Variants in MME observed in about 807,000 individuals in gnomAD.
MME encodes the protein neprilysin.
Under a neutral mutation model 113.2 loss-of-function variants are expected in MME, and 98 were observed. That is an observed-to-expected ratio of 0.87 (90% CI 0.74 to 1.02). MME has a LOEUF of 1.02. MME is among the 50% of genes least tolerant of loss of function. MME has a pLI of 0.00. For missense variants in MME, 836 were observed against 896.0 expected (o/e 0.93, Z 0.86); for synonymous variants, 292 against 300.6 (o/e 0.97, Z 0.30).
intron 3 of MME, among the ~76,000 whole-genome samples, chr3:155,099,862 T>C (rs922404380): frequency 1.3e-5 from 2 of 152,208 alleles, no homozygotes; most frequent in South Asian, 2.1e-4. Flanking sequence ...TAAACATACA[T>C]GTGCATGTGT....
At chr3:155,137,955 T>G in intron 8 of MME, 147 bp from the exon 9 acceptor site, 1 of 868,502 alleles carries the variant, frequency 1.2e-6, no homozygotes, top group South Asian at 1.5e-5. Flanking sequence ...TCTGTGCAGG[T>G]CATTTCTTTA....
At chr3:155,040,765 C>A (rs1216147047) in intron 1 of MME, among the ~76,000 whole-genome samples, 1 of 151,978 alleles carries the variant, frequency 6.6e-6, no homozygotes, top group Non-Finnish European at 1.5e-5. Flanking sequence ...TGAAATGCAT[C>A]TGGAAAACTA....
chr3:155,060,614 G>T (rs1263499338), intron 1 of MME, among the ~76,000 whole-genome samples: 4 of 152,060 alleles, frequency 2.6e-5, no homozygotes, highest in Non-Finnish European at 5.9e-5. Context: ...GATTCAGGGA[G>T]GGTGTCTCAC....
intron 3 of MME, among the ~76,000 whole-genome samples, chr3:155,096,059 G>T (rs1219246042): frequency 6.6e-6 from 1 of 152,150 alleles, no homozygotes; most frequent in Non-Finnish European, 1.5e-5. Context: ...AGCTCAGGAA[G>T]TTTAGGACCT....
chr3:155,085,263 A>T, intron 3 of MME, 169 bp downstream of exon 3: 2 of 508,752 alleles, frequency 3.9e-6, no homozygotes, highest in Non-Finnish European at 7.0e-6. Context: ...TAGTAGATTA[A>T]TTAACTTGTT....
intron 3 of MME, among the ~76,000 whole-genome samples, chr3:155,108,119 AC>A (rs1717851424): frequency 6.6e-6 from 1 of 152,330 alleles, no homozygotes; most frequent in East Asian, 1.9e-4. Flanking sequence ...GCCCACAGGA[AC>A]CTAACCTTGT....
At chr3:155,150,457 C>T (rs915807548) in intron 16 of MME, among the ~76,000 whole-genome samples, 1 of 152,118 alleles carries the variant, frequency 6.6e-6, no homozygotes, top group Non-Finnish European at 1.5e-5. Flanking sequence ...TTGGTCCTCC[C>T]CATGAGCTTC....
chr3:155,087,572 G>A (rs1213073014), intron 3 of MME, among the ~76,000 whole-genome samples: 1 of 152,042 alleles, frequency 6.6e-6, no homozygotes, highest in Non-Finnish European at 1.5e-5. Context: ...CCTATTATAT[G>A]CTCAGGCTGT....
chr3:155,030,059 A>G (rs1469758280), intron 1 of MME, among the ~76,000 whole-genome samples: 1 of 152,234 alleles, frequency 6.6e-6, no homozygotes, highest in Non-Finnish European at 1.5e-5. Flanking sequence ...GCCCAAAGAC[A>G]TGACTTTTAG....
intron 1 of MME, among the ~76,000 whole-genome samples, chr3:155,082,734 C>T (rs1261642444): frequency 6.6e-6 from 1 of 152,126 alleles, no homozygotes; most frequent in Non-Finnish European, 1.5e-5. Flanking sequence ...ACTTTGTATC[C>T]AGAACTTTAA....
At chr3:155,163,683 T>A (rs952588310) in intron 17 of MME, among the ~76,000 whole-genome samples, 3 of 152,348 alleles carry the variant, frequency 2.0e-5, no homozygotes, top group Admixed American at 1.3e-4. Context: ...TCAATTTTTT[T>A]AATTTCTCAA....
intron 16 of MME, among the ~76,000 whole-genome samples, chr3:155,156,893 T>C (rs1035859350): frequency 6.6e-6 from 1 of 152,206 alleles, no homozygotes; most frequent in East Asian, 1.9e-4. Flanking sequence ...TGAAAAAAAT[T>C]TATTCTAGGT....
At chr3:155,146,465 G>T (rs987165232) in intron 14 of MME, among the ~76,000 whole-genome samples, 3 of 151,974 alleles carry the variant, frequency 2.0e-5, no homozygotes, top group Non-Finnish European at 4.4e-5. Context: ...GGTGGAGATT[G>T]CAGTGAGCCC....
intron 16 of MME, among the ~76,000 whole-genome samples, chr3:155,149,160 T>C (rs1285994173): frequency 2.0e-5 from 3 of 152,344 alleles, no homozygotes; most frequent in East Asian, 1.9e-4. Flanking sequence ...AGTCTTCTTA[T>C]GCTCTTAATC....
chr3:155,172,704 TACA>T, intron 22 of MME, 92 bp downstream of exon 22: 1 of 983,088 alleles, frequency 1.0e-6, no homozygotes, highest in Non-Finnish European at 1.6e-6. Flanking sequence ...CTGATTCTTT[TACA>T]TTTGGAAATT....
At chr3:155,048,888 A>G (rs1713655626) in intron 1 of MME, among the ~76,000 whole-genome samples, 1 of 152,058 alleles carries the variant, frequency 6.6e-6, no homozygotes, top group Non-Finnish European at 1.5e-5. Context: ...CATTGCCTCT[A>G]ATTGTTTTAA....
chr3:155,151,935 A>G (rs1350010075), intron 16 of MME, among the ~76,000 whole-genome samples: 2 of 148,026 alleles, frequency 1.4e-5, no homozygotes, highest in African/African-American at 5.3e-5. Context: ...ACCACCTTCT[A>G]TATCTTCAGT....
chr3:155,095,296 T>C (rs1397486778), intron 3 of MME, among the ~76,000 whole-genome samples: 1 of 152,204 alleles, frequency 6.6e-6, no homozygotes, highest in African/African-American at 2.4e-5. Context: ...ACTGATTGCT[T>C]TAACAGGTTC....
rs1180766184 is a variant in MME at position 155,093,393 on chromosome 3, A to G, written c.196+8299A>G. On this transcript the variant is annotated intron_variant, in intron 3 of 22. Transcript: ENST00000360490. ...TCCTGTTTTCACCCCCTGGGGTTTC[A>G]CTTACAGAGGAAGTCAAAGACATAT... 2.0e-5 allele frequency among the ~76,000 whole-genome samples: 3 copies of G among 152,238 alleles called. No individual in the cohort carries two copies. The East Asian group carries it at 5.8e-4, about 29-fold the overall frequency.
Sources: allele counts gnomAD v4.1 joint callset (sites outside exome capture counted in the v4.1 genomes callset), GRCh38; gene constraint gnomAD v4.1.1; transcripts MANE v1.5; gene names NCBI Gene and HGNC (gene_info 2026-07-23, HGNC 2026-07-21).